Variants in DAB1 observed in about 807,000 individuals in gnomAD.
The protein encoded by DAB1 is DAB adaptor protein 1.
A neutral mutation model predicts 64.6 loss-of-function variants in DAB1; 15 were observed. That is an observed-to-expected ratio of 0.23 (90% confidence interval 0.16 to 0.36). The LOEUF is 0.36. Ranked by LOEUF, DAB1 falls within the 10% of genes least tolerant of loss-of-function variation. The pLI is 1.00. For synonymous variants in DAB1, 235 were observed against 251.9 expected (o/e 0.93, Z 0.64); for missense variants, 596 against 706.7 (o/e 0.84, Z 1.78).
At chr1:57,840,170 G>A (rs1252882434) in intron 1 of DAB1, among the ~76,000 whole-genome samples, 1 of 152,190 alleles carries the variant, frequency 6.6e-6, no homozygotes, top group East Asian at 1.9e-4. Context: ...TTTTGTGGGT[G>A]ATGCTGAAGC....
chr1:57,704,498 T>G (rs1646942645), intron 6 of DAB1, among the ~76,000 whole-genome samples: 2 of 152,214 alleles, frequency 1.3e-5, no homozygotes, highest in African/African-American at 4.8e-5. Flanking sequence ...GCTATAATTC[T>G]AAGTACCATT....
intron 4 of DAB1, among the ~76,000 whole-genome samples, chr1:57,107,594 G>A (rs1301759100): frequency 6.6e-6 from 1 of 151,900 alleles, no homozygotes; most frequent in Non-Finnish European, 1.5e-5. Flanking sequence ...AAAAAAGCTT[G>A]GATCAGTCCA....
intron 6 of DAB1, among the ~76,000 whole-genome samples, chr1:57,655,857 C>A (rs143884899): frequency 6.6e-6 from 1 of 152,090 alleles, no homozygotes; most frequent in African/African-American, 2.4e-5. Context: ...GTTGAAGAAC[C>A]TCTACCCCTA....
At chr1:58,176,734 C>T (rs1656500649) in intron 4 of DAB1, among the ~76,000 whole-genome samples, 1 of 152,148 alleles carries the variant, frequency 6.6e-6, no homozygotes, top group Non-Finnish European at 1.5e-5. Context: ...AATTCCAGCA[C>T]TTTGGGAGGC....
chr1:57,360,824 G>A (rs1679487276), intron 1 of DAB1, among the ~76,000 whole-genome samples: 1 of 152,134 alleles, frequency 6.6e-6, no homozygotes. Flanking sequence ...GACTTGACTT[G>A]TTTATGAAAT....
At chr1:57,832,041 G>A (rs774029977) in intron 1 of DAB1, among the ~76,000 whole-genome samples, 61 of 152,090 alleles carry the variant, frequency 4.0e-4, no homozygotes, top group Non-Finnish European at 7.5e-4. Context: ...GCATATGTAC[G>A]TGCATAATTA....
chr1:58,210,720 C>T (rs987916871), intron 4 of DAB1, among the ~76,000 whole-genome samples: 2 of 152,112 alleles, frequency 1.3e-5, no homozygotes, highest in Non-Finnish European at 2.9e-5. Flanking sequence ...CTATCATGTG[C>T]CAGTACTTGT....
rs368301262 is a variant in DAB1 at position 57,534,046 on chromosome 1, T to C, written n.625+115546A>G. Among the ~76,000 whole-genome samples the C allele has an allele frequency of 1.4e-3, 217 of 152,204 alleles. 7 individuals carry two copies. In the South Asian group the frequency reaches 0.044, roughly 31 times the overall value. ...TACATTACTCCTGCTTGATATATTA[T>C]TTTGAGATGGAAAAGAAGGTCTAAT... On this transcript the variant is annotated intron_variant and non_coding_transcript_variant, in intron 7 of 20. Coordinates refer to the DAB1 transcript ENST00000485760.
At chr1:58,317,829 G>T (rs939703905) in intron 4 of DAB1, among the ~76,000 whole-genome samples, 13 of 152,180 alleles carry the variant, frequency 8.5e-5, no homozygotes, top group Admixed American at 8.5e-4. Flanking sequence ...GCGGTACTTT[G>T]TTACACCACA....
At chr1:57,837,344 C>T (rs1241445466) in intron 1 of DAB1, among the ~76,000 whole-genome samples, 1 of 152,160 alleles carries the variant, frequency 6.6e-6, no homozygotes, top group African/African-American at 2.4e-5. Flanking sequence ...TGTTTCCACC[C>T]TTGCCCCATG....
At chr1:57,188,804 A>G (rs767019502) in intron 2 of DAB1, among the ~76,000 whole-genome samples, 1 of 152,210 alleles carries the variant, frequency 6.6e-6, no homozygotes, top group Non-Finnish European at 1.5e-5. Flanking sequence ...TTAACTCACT[A>G]TACTACTTCA....
chr1:57,623,994 G>A (rs1645892282), intron 7 of DAB1, among the ~76,000 whole-genome samples: 1 of 152,128 alleles, frequency 6.6e-6, no homozygotes, highest in Non-Finnish European at 1.5e-5. Flanking sequence ...GAAGACTTTG[G>A]GCTTTCATGC....
chr1:58,432,205 G>A (rs1025832742), intron 3 of DAB1, among the ~76,000 whole-genome samples: 1 of 152,260 alleles, frequency 6.6e-6, no homozygotes, highest in African/African-American at 2.4e-5. Flanking sequence ...AGCTCTTGGT[G>A]TGAATCTCTC....
rs558940763 is a variant in DAB1, at chr1:57,902,870, G to A, written n.388-18708C>T. On this transcript the variant is annotated intron_variant and non_coding_transcript_variant, in intron 5 of 20. Transcript: ENST00000485760. ...TTTTAATACAATAATGTAAGCATCC[G>A]TATTAGTCCACTCTCACACTGCTAA... Among the ~76,000 whole-genome samples, 6 of 152,244 alleles carry A rather than the reference G, an allele frequency of 3.9e-5. No individual in the cohort carries two copies. In the South Asian group the frequency reaches 6.2e-4, roughly 16 times the overall value.
intron 7 of DAB1, among the ~76,000 whole-genome samples, chr1:57,477,974 A>C (rs964899224): frequency 1.3e-5 from 2 of 151,902 alleles, no homozygotes; most frequent in African/African-American, 4.8e-5. Flanking sequence ...ACATATGTAT[A>C]CATGTGCCAT....
At chr1:57,223,875 C>T (rs919591537) in intron 2 of DAB1, among the ~76,000 whole-genome samples, 1 of 152,182 alleles carries the variant, frequency 6.6e-6, no homozygotes, top group African/African-American at 2.4e-5. Context: ...TCCTTCCTGA[C>T]ACCTTGCTTC....
intron 3 of DAB1, among the ~76,000 whole-genome samples, chr1:58,449,672 A>G (rs1192428299): frequency 6.6e-6 from 1 of 152,194 alleles, no homozygotes; most frequent in African/African-American, 2.4e-5. Context: ...GCCTCAGTGC[A>G]TGCTGTCCTC....
intron 5 of DAB1, among the ~76,000 whole-genome samples, chr1:57,969,321 A>T (rs1645741298): frequency 6.6e-6 from 1 of 152,070 alleles, no homozygotes. Context: ...TAATATATGT[A>T]TGTTTTTAAA....
chr1:57,734,762 T>C (rs989293746), intron 6 of DAB1, among the ~76,000 whole-genome samples: 5 of 152,220 alleles, frequency 3.3e-5, no homozygotes, highest in Non-Finnish European at 5.9e-5. Context: ...TCTGTGTATA[T>C]GAAAAGTAGT....
Sources: gnomAD v4.1 joint callset for allele counts (sites outside exome capture counted in the v4.1 genomes callset) on GRCh38, gnomAD v4.1.1 for gene constraint, MANE v1.5 for transcripts, NCBI Gene and HGNC (gene_info 2026-07-23, HGNC 2026-07-21) for gene names.